Variants in GCNT2 observed in about 807,000 individuals in gnomAD.
GCNT2 encodes the protein N-acetyllactosaminide beta-1,6-N-acetylglucosaminyl-transferase.
In GCNT2, 34 loss-of-function variants were observed where a neutral mutation model predicts 34.2. That is an observed-to-expected ratio of 1.00 (90% CI 0.76 to 1.32). The LOEUF is 1.32. Ranked by LOEUF, GCNT2 falls within the 40% of genes most tolerant of loss-of-function variation. The pLI is 0.00. For missense variants in GCNT2, 584 were observed against 489.4 expected, an observed-to-expected ratio of 1.19 and a Z score of -1.82; for synonymous variants, 212 against 188.0, an observed-to-expected ratio of 1.13 and a Z score of -1.04.
intron 3 of GCNT2, among the ~76,000 whole-genome samples, chr6:10,583,824 T>C (rs2169277): frequency 6.6e-6 from 1 of 152,162 alleles, no homozygotes. Flanking sequence ...GATAATACTG[T>C]GTCAACAGCT....
intron 3 of GCNT2, among the ~76,000 whole-genome samples, chr6:10,565,243 C>G (rs1300811314): frequency 6.6e-6 from 1 of 152,144 alleles, no homozygotes; most frequent in East Asian, 1.9e-4. Context: ...TTGCAGGAGG[C>G]CAGAGAAAAA....
chr6:10,595,188 C>T (rs1764799403), intron 3 of GCNT2, among the ~76,000 whole-genome samples: 1 of 152,090 alleles, frequency 6.6e-6, no homozygotes, highest in Admixed American at 6.6e-5. Flanking sequence ...AGAGTGTTTC[C>T]TTAAAAACAT....
In GCNT2 at chr6:10,627,748, T is replaced by A. The variant is rs1335670497; in HGVS notation, c.*1141T>A. The A allele has an allele frequency of 2.6e-5, 4 of 152,234 alleles. No individual in the cohort carries two copies. The highest frequency in any genetic ancestry group is 7.2e-5 in the African/African-American group (3 of 41,440). The allele number at this position is 152,234 out of a possible 1,614,324, so 9.4% of individuals were successfully genotyped here. A position where few individuals can be genotyped will look rare whatever the true frequency, so the allele number is the denominator to read the frequency against. ...ATAATGTCAACACCAGAAAGCCTCC[T>A]CTGGAGAATCTTACAGAGTGATTGT... On this transcript the variant is annotated 3_prime_UTR_variant, in exon 5 of 5. Coordinates refer to ENST00000495262, the MANE Select transcript of GCNT2 (RefSeq NM_145649.5).
chr6:10,573,513 C>T (rs754093550), intron 3 of GCNT2, among the ~76,000 whole-genome samples: 2 of 152,186 alleles, frequency 1.3e-5, no homozygotes, highest in Non-Finnish European at 2.9e-5. Flanking sequence ...GGTAGTGTCA[C>T]AGACAGAGAA....
intron 3 of GCNT2, among the ~76,000 whole-genome samples, chr6:10,609,877 C>G (rs73721324): frequency 0.13 from 18,733 of 146,750 alleles, 1,789 homozygotes; most frequent in African/African-American, 0.27. Context: ...TAGGATGAGA[C>G]CAAGTCTGAG....
intron 3 of GCNT2, among the ~76,000 whole-genome samples, chr6:10,600,424 T>C (rs900204353): frequency 6.6e-6 from 1 of 152,226 alleles, no homozygotes; most frequent in African/African-American, 2.4e-5. Context: ...ATACATACAG[T>C]TCACTCTCTT....
chr6:10,529,343 C>A lies in GCNT2; in HGVS notation c.432C>A (p.Leu144=). The A allele has an allele frequency of 6.2e-7, 1 of 1,614,052 alleles. No individual in the cohort carries two copies. Among genetic ancestry groups the A allele is most frequent in the Non-Finnish European group, 8.5e-7 (1 of 1,179,988 alleles). ...DAFKGAVKQL[L]SCFPNAFLAS... is the part of the protein sequence containing the mutation. ...TTAAAGGTGCAGTGAAACAGTTACTCAGCTGCTTCCCAAATGCTTTTCTGG... is the reference window on the plus strand; with the variant it reads ...TTAAAGGTGCAGTGAAACAGTTACTAAGCTGCTTCCCAAATGCTTTTCTGG... Residue 144 remains leucine, a synonymous_variant, in exon 3 of 5, where the codon CTC becomes CTA. Transcript: ENST00000495262.
At chr6:10,549,316 G>A (rs1269208427) in intron 3 of GCNT2, among the ~76,000 whole-genome samples, 3 of 152,110 alleles carry the variant, frequency 2.0e-5, no homozygotes, top group Non-Finnish European at 2.9e-5. Flanking sequence ...TGGCTGCAGC[G>A]AATCTTGACT....
intron 3 of GCNT2, chr6:10,556,376 G>C: frequency 1.2e-6 from 2 of 1,611,296 alleles, no homozygotes; most frequent in Non-Finnish European, 1.7e-6. Context: ...TTGGAAAAAA[G>C]ACTTACAGAT....
intron 3 of GCNT2, chr6:10,556,108 T>TACC: frequency 8.0e-7 from 1 of 1,249,744 alleles, no homozygotes; most frequent in Non-Finnish European, 1.0e-6. Flanking sequence ...GAAAGAGAGT[T>TACC]ACCGGAGTTT....
intron 3 of GCNT2, among the ~76,000 whole-genome samples, chr6:10,576,645 A>G (rs560795): frequency 0.62 from 94,811 of 151,864 alleles, 29,829 homozygotes; most frequent in Middle Eastern, 0.72. Context: ...TCCAGGATGA[A>G]AGAGGGCTTT....
chr6:10,622,241 A>T (rs988862501), intron 4 of GCNT2, among the ~76,000 whole-genome samples: 5 of 152,208 alleles, frequency 3.3e-5, no homozygotes, highest in African/African-American at 9.7e-5. Flanking sequence ...ATTGCCCAGC[A>T]TATACTGGGC....
chr6:10,558,861 C>CT (rs1462804393), intron 3 of GCNT2, among the ~76,000 whole-genome samples: 4 of 152,242 alleles, frequency 2.6e-5, no homozygotes, highest in Non-Finnish European at 5.9e-5. Context: ...GGTTCATCCT[C>CT]TCTTCACCTT....
intron 3 of GCNT2, among the ~76,000 whole-genome samples, chr6:10,562,028 G>A (rs1207202257): frequency 6.6e-6 from 1 of 152,118 alleles, no homozygotes; most frequent in Non-Finnish European, 1.5e-5. Flanking sequence ...TCAACTCAAA[G>A]GAGCTTAAAC....
Position 10,626,427 on chromosome 6 carries a change from A to G in GCNT2, c.1029A>G (p.Val343=). Residue 343 remains valine, a synonymous_variant, in exon 5 of 5, where the codon GTA becomes GTG. Coordinates refer to ENST00000495262, the MANE Select transcript of GCNT2 (RefSeq NM_145649.5). ...TTCTTTCTTTTGCAGGCCACTATGT[A>G]CATGGTATTTGTATCTATGGAAACG... ...DRHGGCHGHY[V]HGICIYGNGD... 6.2e-7 allele frequency: 1 copy of G among 1,611,096 alleles called. No individual in the cohort carries two copies. The highest frequency in any genetic ancestry group is 8.5e-7 in the Non-Finnish European group (1 of 1,177,218).
intron 3 of GCNT2, among the ~76,000 whole-genome samples, chr6:10,542,929 C>T (rs1198533573): frequency 2.2e-4 from 24 of 109,214 alleles, no homozygotes; most frequent in Admixed American, 6.5e-4. Context: ...AATTTTGAGA[C>T]GGAGTTTCAC....
At chr6:10,522,066 T>A (rs960092638) in intron 1 of GCNT2, among the ~76,000 whole-genome samples, 3 of 152,024 alleles carry the variant, frequency 2.0e-5, no homozygotes, top group South Asian at 4.1e-4. Context: ...TTTTGTATCT[T>A]TAGTAGAGAT....
At chr6:10,610,966 A>G (rs1435970652) in intron 3 of GCNT2, among the ~76,000 whole-genome samples, 1 of 152,122 alleles carries the variant, frequency 6.6e-6, no homozygotes, top group African/African-American at 2.4e-5. Context: ...ATTTGTTGGC[A>G]GTTATGCGAG....
chr6:10,548,899 C>T (rs1047168616), intron 3 of GCNT2, among the ~76,000 whole-genome samples: 1 of 152,170 alleles, frequency 6.6e-6, no homozygotes, highest in Admixed American at 6.5e-5. Flanking sequence ...GCTCGGATTA[C>T]AGGCGCATGC....
Sources: allele counts gnomAD v4.1 joint callset (sites outside exome capture counted in the v4.1 genomes callset), GRCh38; gene constraint gnomAD v4.1.1; transcripts MANE v1.5; gene names NCBI Gene and HGNC (gene_info 2026-07-23, HGNC 2026-07-21).